The following MYH15 variants were observed in gnomAD, a reference collection of about 807,000 sequenced individuals.
MYH15 encodes myosin heavy chain 15, also known as myosin-15.
In MYH15, 227 loss-of-function variants were observed where a neutral mutation model predicts 240.5. The observed-to-expected ratio is 0.94, with a 90% CI of 0.85 to 1.05. The LOEUF (loss-of-function observed/expected upper bound fraction) is 1.05, where lower values mean the gene tolerates loss of function less well. Among genes scored for constraint, MYH15 ranks in the 50% least tolerant of loss-of-function variants. The pLI, the probability that MYH15 is intolerant of heterozygous loss-of-function variation, is 0.00. For synonymous variants in MYH15, 785 were observed against 796.7 expected (o/e 0.99, Z 0.25); for missense variants, 2,217 against 2,247.5 (o/e 0.99, Z 0.27).
At chr3:108,394,773 A>G (rs1018355160) in intron 35 of MYH15, among the ~76,000 whole-genome samples, 1 of 152,118 alleles carries the variant, frequency 6.6e-6, no homozygotes, top group Non-Finnish European at 1.5e-5. Flanking sequence ...CTGAGTTGTG[A>G]CACTAGAGGC....
chr3:108,383,014 G>A lies in MYH15; in HGVS notation c.5766+581C>T, dbSNP rs534264561. On this transcript the variant is annotated intron_variant, in intron 40 of 40. Coordinates refer to ENST00000693548, the MANE Select transcript of MYH15 (RefSeq NM_014981.3). ...CTCTACCAGTAAAATCAGGGCAATG[G>A]CCTCTACCATTAGATTAGAAGAGCC... 3.3e-5 allele frequency among the ~76,000 whole-genome samples: 5 copies of A among 152,152 alleles called. No individual in the cohort carries two copies. The South Asian group carries it at 8.3e-4, about 25-fold the overall frequency.
chr3:108,452,984 A>G (rs2082986815), intron 21 of MYH15, among the ~76,000 whole-genome samples: 1 of 152,174 alleles, frequency 6.6e-6, no homozygotes, highest in South Asian at 2.1e-4. Flanking sequence ...AATAATGTTA[A>G]GAATTGATAT....
At chr3:108,485,431 A>C (rs567314563) in intron 10 of MYH15, among the ~76,000 whole-genome samples, 1 of 152,344 alleles carries the variant, frequency 6.6e-6, no homozygotes, top group South Asian at 2.1e-4. Context: ...AGGAAGGCAC[A>C]AGACTAGGCT....
In MYH15 at chr3:108,500,255, C is replaced by G; in HGVS notation, c.359G>C (p.Cys120Ser). Residue 120 changes from cysteine (C) to serine (S), a missense_variant, in exon 4 of 41, where the codon TGT (cysteine) becomes TCT (serine). Coordinates refer to ENST00000693548, the MANE Select transcript of MYH15 (RefSeq NM_014981.3). ...CCATTTGTAAGGGTTTATGGTCACA[C>G]AGAAGAGACCTGAATATGTCTGAGG... ...WMIYTYSGLF[C>S]VTINPYKWLP... is the part of the protein sequence containing the mutation. The G allele has an allele frequency of 6.2e-7, 1 of 1,613,240 alleles. No individual in the cohort carries two copies.
the MYH15 span, among the ~76,000 whole-genome samples, chr3:108,546,464 G>A: frequency 3.9e-5 from 6 of 152,044 alleles, no homozygotes; most frequent in Non-Finnish European, 7.4e-5. Context: ...GCTACTTACT[G>A]GAAAATTAGT....
chr3:108,458,290 T>A (rs1388032857), intron 18 of MYH15, among the ~76,000 whole-genome samples: 1 of 152,176 alleles, frequency 6.6e-6, no homozygotes, highest in Non-Finnish European at 1.5e-5. Context: ...CTCAGCTAAT[T>A]AGATTCCTTG....
At chr3:108,423,656 T>C (rs1295209432) in intron 27 of MYH15, among the ~76,000 whole-genome samples, 1 of 152,226 alleles carries the variant, frequency 6.6e-6, no homozygotes, top group Non-Finnish European at 1.5e-5. Flanking sequence ...TTCCTCACGA[T>C]ATCTCTCAAA....
rs749413131 is a variant in MYH15, at chr3:108,470,801, A to G, written c.1280T>C (p.Met427Thr). 1.7e-5 allele frequency: 28 copies of G among 1,613,744 alleles called. No individual in the cohort carries two copies. The Admixed American group carries it at 4.7e-4, about 27-fold the overall frequency. Residue 427 changes from methionine (M) to threonine (T), a missense_variant, in exon 13 of 41, where the codon ATG becomes ACG. Physicochemically the swap from Met to Thr is moderately conservative, Grantham distance 81. Coordinates refer to ENST00000693548, the MANE Select transcript of MYH15 (RefSeq NM_014981.3). ...GALSKSMYER[M>T]FKWLVARINR... ...GATCCGTGCCACTAGCCACTTAAAC[A>G]TCCTTTCATACATTGACTTGGACAG...
rs1470189981 is a variant in MYH15, at chr3:108,444,522, C to T, written c.2655+118G>A. ...TTCATTGTCTTTGGTTTTATAAAATCCTTTGGTATTTGAAAACCACATGCA... is the reference window on the plus strand; with the variant it reads ...TTCATTGTCTTTGGTTTTATAAAATTCTTTGGTATTTGAAAACCACATGCA... On this transcript the variant is annotated intron_variant, in intron 22 of 40. Coordinates refer to ENST00000693548, the MANE Select transcript of MYH15 (RefSeq NM_014981.3). 14 of 1,167,782 alleles carry T rather than the reference C, an allele frequency of 1.2e-5. No individual in the cohort carries two copies. The Admixed American group carries it at 3.3e-4, about 28-fold the overall frequency. The allele number at this position is 1,167,782 out of a possible 1,614,324, so 72.3% of individuals were successfully genotyped here. A position where few individuals can be genotyped will look rare whatever the true frequency, so the allele number is the denominator to read the frequency against.
chr3:108,431,284 A>G (rs2082777213), intron 25 of MYH15, among the ~76,000 whole-genome samples: 1 of 152,204 alleles, frequency 6.6e-6, no homozygotes, highest in Non-Finnish European at 1.5e-5. Flanking sequence ...GATACCTGAT[A>G]AGGTTTGGCT....
At chr3:108,469,480 A>G (rs1021159018) in intron 14 of MYH15, among the ~76,000 whole-genome samples, 1 of 152,200 alleles carries the variant, frequency 6.6e-6, no homozygotes, top group Non-Finnish European at 1.5e-5. Context: ...GACATCACCA[A>G]ATTCAGAAAC....
Position 108,428,855 on chromosome 3 carries a change from T to G in MYH15, c.3339A>C (p.Lys1113Asn). ...CTCGAGTGGTCCTTTCAGCTTCTAG[T>G]TTCTCTTTCAAATCCTTTATTTGAG... Reference protein sequence around the residue: ...LQTQIKDLKEKLEAERTTRAK... With the variant: ...LQTQIKDLKENLEAERTTRAK... Residue 1113 changes from lysine to asparagine, a missense_variant, in exon 27 of 41, where the codon AAA (lysine) becomes AAC (asparagine). Coordinates refer to ENST00000693548, the MANE Select transcript of MYH15 (RefSeq NM_014981.3). The G allele has an allele frequency of 9.3e-6, 15 of 1,610,670 alleles. No homozygotes were observed. The highest frequency in any genetic ancestry group is 1.3e-5 in the Non-Finnish European group (15 of 1,179,222).
chr3:108,459,319 A>G, intron 18 of MYH15, 43 bp downstream of exon 18: 1 of 1,268,286 alleles, frequency 7.9e-7, no homozygotes, highest in Non-Finnish European at 1.1e-6. Flanking sequence ...GCTAATATCA[A>G]ATCTATTTCC....
rs189733260 is a variant in MYH15 at position 108,406,998 on chromosome 3, A to G, written c.4620+1282T>C. 6.2e-4 allele frequency among the ~76,000 whole-genome samples: 94 copies of G among 152,324 alleles called. 3 individuals are homozygous for G. In the East Asian group the frequency reaches 0.015, roughly 24 times the overall value. ...CAAAAAGTCCCTTGCCAGGATAGCC[A>G]GAGAACCAAAGGGAACGAGTAAACA... On this transcript the variant is annotated intron_variant, in intron 32 of 40. Transcript: ENST00000693548.
intron 15 of MYH15, among the ~76,000 whole-genome samples, 193 bp downstream of exon 15, chr3:108,464,445 G>A (rs980237762): frequency 1.3e-5 from 2 of 152,186 alleles, no homozygotes; most frequent in African/African-American, 4.8e-5. Context: ...TTTGACCTCT[G>A]TGCACATGGA....
Position 108,476,430 on chromosome 3 carries a change from G to A in MYH15, c.1200C>T (p.Asn400=), listed in dbSNP as rs774875091. 1.9e-5 allele frequency: 30 copies of A among 1,611,906 alleles called. No homozygotes were observed. The highest frequency in any genetic ancestry group is 8.8e-5 in the South Asian group (8 of 90,992). Residue 400 remains asparagine (N), a synonymous_variant, in exon 12 of 41, where the codon AAC becomes AAT. Transcript: ENST00000693548. The stretch of plus-strand genomic sequence containing the variant: ...TAGTTTGACCTCTGGTAACATATTC[G>A]TTACCAACTTTGATTCTAGGATGGA... ...CLIHPRIKVG[N]EYVTRGQTIE... is the part of the protein sequence containing the mutation.
intron 21 of MYH15, among the ~76,000 whole-genome samples, chr3:108,447,223 T>G (rs1489535471): frequency 6.6e-6 from 1 of 152,102 alleles, no homozygotes; most frequent in Non-Finnish European, 1.5e-5. Flanking sequence ...CTACAGCACT[T>G]GTAGGACATC....
chr3:108,391,804 C>A lies in MYH15; in HGVS notation c.5386G>T (p.Ala1796Ser). 1 of 1,614,076 alleles carries A rather than the reference C, an allele frequency of 6.2e-7. No homozygotes were observed. Among genetic ancestry groups the A allele is most frequent in the Non-Finnish European group, 8.5e-7 (1 of 1,179,972 alleles). The change falls in exon 37 of 41, where the codon GCC (alanine) becomes TCC (serine). Residue 1796 changes from alanine (A) to serine (S), a missense_variant. Physicochemically the swap from Ala to Ser is moderately conservative, Grantham distance 99 (BLOSUM62 1). Transcript: ENST00000693548. ...QKRLAEAEQMALMGSRKQIQK... is the reference protein window; with the variant it reads ...QKRLAEAEQMSLMGSRKQIQK... ...ATTTGCTTTCTACTCCCCATCAGGG[C>A]CATCTGTTCAGCTTCAGCCAGCCTT...
At chr3:108,548,637 A>G in the MYH15 span, among the ~76,000 whole-genome samples, 303 of 152,252 alleles carry the variant, frequency 2.0e-3, no homozygotes, top group African/African-American at 6.2e-3. Flanking sequence ...AACAGGACAC[A>G]TGGCTGGTAC....
Sources: gnomAD v4.1 joint callset for allele counts (sites outside exome capture counted in the v4.1 genomes callset) on GRCh38, gnomAD v4.1.1 for gene constraint, MANE v1.5 for transcripts, NCBI Gene and HGNC (gene_info 2026-07-23, HGNC 2026-07-21) for gene names.